Variants in PACRGL observed in about 807,000 individuals in gnomAD.
The protein encoded by PACRGL is PACRG-like protein.
A neutral mutation model predicts 34.5 loss-of-function variants in PACRGL; 38 were observed. That is an observed-to-expected ratio of 1.10 (90% CI 0.85 to 1.44). The LOEUF is 1.44. Among genes scored for constraint, PACRGL ranks in the 40% most tolerant of loss-of-function variants. PACRGL has a pLI of 0.00. For missense variants in PACRGL, 305 were observed against 281.4 expected (o/e 1.08, Z -0.60); for synonymous variants, 128 against 100.1 (o/e 1.28, Z -1.66).
At chr4:20,725,965 T>A (rs1745452551) in intron 8 of PACRGL, among the ~76,000 whole-genome samples, 1 of 152,160 alleles carries the variant, frequency 6.6e-6, no homozygotes, top group Non-Finnish European at 1.5e-5. Flanking sequence ...TCTTGCTTGC[T>A]CTTCTGAGAA....
chr4:20,723,947 C>T (rs1019914198), intron 7 of PACRGL, among the ~76,000 whole-genome samples: 3 of 152,156 alleles, frequency 2.0e-5, no homozygotes, highest in African/African-American at 7.2e-5. Context: ...GTCCCTCACC[C>T]CCATCTTCCA....
intron 7 of PACRGL, among the ~76,000 whole-genome samples, chr4:20,717,466 G>T (rs1362372207): frequency 2.6e-5 from 4 of 152,022 alleles, no homozygotes; most frequent in African/African-American, 9.7e-5. Context: ...TATGGTTTTA[G>T]GTCTAACATT....
At position 20,713,499 on chromosome 4, in the gene PACRGL, G is replaced by T. The variant is rs1012836698; in HGVS notation, c.569G>T (p.Gly190Val). 1.9e-6 allele frequency: 3 copies of T among 1,613,594 alleles called. No homozygotes were observed. Among genetic ancestry groups the T allele is most frequent in the Non-Finnish European group, 2.5e-6 (3 of 1,179,744 alleles). The change falls in exon 7 of 9, where the codon GGT becomes GTT. Residue 190 changes from glycine (G) to valine (V), a missense_variant. Physicochemically the swap from Gly to Val is moderately radical, Grantham distance 109. Transcript: ENST00000503585. ...NALVQLSVVV[G>V]PSLNDHLKHL... is the part of the protein sequence containing the mutation. ...CTAGTTCAGCTAAGTGTCGTTGTTGGTCCTTCTCTAAACGACCATCTGAAG... is the reference window on the plus strand; with the variant it reads ...CTAGTTCAGCTAAGTGTCGTTGTTGTTCCTTCTCTAAACGACCATCTGAAG...
downstream of PACRGL, among the ~76,000 whole-genome samples, chr4:20,756,676 A>C (rs1276390720): frequency 2.0e-5 from 3 of 151,924 alleles, no homozygotes; most frequent in African/African-American, 7.2e-5. Context: ...CATCCAGGGC[A>C]CTTGGGCTGT....
intron 8 of PACRGL, among the ~76,000 whole-genome samples, chr4:20,746,597 C>T (rs1752478520): frequency 6.6e-6 from 1 of 152,106 alleles, no homozygotes; most frequent in East Asian, 1.9e-4. Flanking sequence ...TGGTGCCAGA[C>T]ACAGAGCCAA....
chr4:20,731,777 T>C lies in PACRGL; in HGVS notation c.*4436T>C. On this transcript the variant is annotated 3_prime_UTR_variant, in exon 9 of 9. Transcript: ENST00000503585. ...GAATCAACACAGTACATGTACAACTTTTGTATCCCCAGGGTTTCCTCCATA... is the reference window on the plus strand; with the variant it reads ...GAATCAACACAGTACATGTACAACTCTTGTATCCCCAGGGTTTCCTCCATA... The C allele has an allele frequency of 2.0e-6, 2 of 985,364 alleles. No homozygotes were observed. Among genetic ancestry groups the C allele is most frequent in the Non-Finnish European group, 2.4e-6 (2 of 829,902 alleles). The allele number at this position is 985,364 out of a possible 1,614,324, so 61.0% of individuals were successfully genotyped here. A position where few individuals can be genotyped will look rare whatever the true frequency, so the allele number is the denominator to read the frequency against.
At chr4:20,747,025 T>TTAAA (rs1752547165) in intron 8 of PACRGL, among the ~76,000 whole-genome samples, 1 of 152,240 alleles carries the variant, frequency 6.6e-6, no homozygotes. Context: ...TCAAACTTTA[T>TTAAA]TAATTTAGCC....
At chr4:20,734,799 A>AAC, downstream of PACRGL, 3 of 991,158 alleles carry the variant, frequency 3.0e-6, no homozygotes, top group South Asian at 1.6e-5. Flanking sequence ...AAAAAAAACA[A>AAC]ATGATGTAAG....
chr4:20,726,316 G>C (rs1745608713), intron 8 of PACRGL, among the ~76,000 whole-genome samples: 1 of 152,118 alleles, frequency 6.6e-6, no homozygotes. Flanking sequence ...TACTAGCTTT[G>C]AATGTTGCTA....
rs1485927833 is a variant in PACRGL at position 20,728,599 on chromosome 4, T to G, written c.*1258T>G. 1 of 152,608 alleles carries G rather than the reference T, an allele frequency of 6.6e-6. No homozygotes were observed. The highest frequency in any genetic ancestry group is 1.9e-4 in the East Asian group (1 of 5,200). 9.5% of individuals were successfully genotyped at this position (152,608 alleles called of 1,614,324 possible). A position where few individuals can be genotyped will look rare whatever the true frequency, so the allele number is the denominator to read the frequency against. ...AATTTCTTGGAAAAGACCTGTAACA[T>G]AGACAGTAGAGTTATAAACATTTTA... On this transcript the variant is annotated 3_prime_UTR_variant, in exon 9 of 9. Coordinates refer to ENST00000503585, the MANE Select transcript of PACRGL (RefSeq NM_001258345.3).
chr4:20,697,710 G>C (rs1259106731), upstream of PACRGL, among the ~76,000 whole-genome samples: 1 of 152,118 alleles, frequency 6.6e-6, no homozygotes, highest in Non-Finnish European at 1.5e-5. Flanking sequence ...TCATGGTTCT[G>C]GAGGCTGGAA....
At chr4:20,752,488 A>G (rs897557663) in intron 8 of PACRGL, 2 of 152,218 alleles carry the variant, frequency 1.3e-5, no homozygotes, top group Non-Finnish European at 2.9e-5. Flanking sequence ...TTTTATTTCA[A>G]CTACCTTAAA....
At chr4:20,718,762 A>G (rs1315044879) in intron 7 of PACRGL, 2 of 152,150 alleles carry the variant, frequency 1.3e-5, no homozygotes, top group Non-Finnish European at 2.9e-5. Context: ...TTTTGCATTG[A>G]TGTTCATCAG....
chr4:20,767,143 A>C, the PACRGL span: 3 of 152,232 alleles, frequency 2.0e-5, no homozygotes, highest in African/African-American at 7.2e-5. Flanking sequence ...CCGATAGACC[A>C]AGGATAAATC....
At chr4:20,755,718 T>G (rs544347890), downstream of PACRGL, among the ~76,000 whole-genome samples, 1 of 152,218 alleles carries the variant, frequency 6.6e-6, no homozygotes, top group East Asian at 1.9e-4. Context: ...TCAGGGCAAG[T>G]CTCACTGAGA....
chr4:20,712,917 G>A lies in PACRGL; in HGVS notation c.496G>A (p.Ala166Thr), dbSNP rs372549595. 3 of 1,560,818 alleles carry A rather than the reference G, an allele frequency of 1.9e-6. No individual in the cohort carries two copies. The South Asian group carries it at 3.7e-5, about 19-fold the overall frequency. ...LPRLIPVLKA[A>T]LVHSDDEVFE... Reference sequence around the variant, plus strand: ...TAGACTGATTCCTGTGCTAAAGGCAGCTCTGGTATGTCATTTATTTCATTG... The same window carrying A: ...TAGACTGATTCCTGTGCTAAAGGCAACTCTGGTATGTCATTTATTTCATTG... The change falls in exon 6 of 9, where the codon GCT becomes ACT. Residue 166 changes from alanine to threonine, a missense_variant. Ala to Thr is a moderately conservative substitution (Grantham distance 58). Transcript: ENST00000503585.
Position 20,730,054 on chromosome 4 carries a change from C to CTGTTGGA in PACRGL, c.*2715_*2721dup, listed in dbSNP as rs1308194833. 1 of 1,598,788 alleles carries CTGTTGGA rather than the reference C, an allele frequency of 6.3e-7. No individual in the cohort carries two copies. The highest frequency in any genetic ancestry group is 8.5e-7 in the Non-Finnish European group (1 of 1,174,512). On this transcript the variant is annotated 3_prime_UTR_variant, in exon 9 of 9. Coordinates refer to ENST00000503585, the MANE Select transcript of PACRGL (RefSeq NM_001258345.3). ...GGGTGGTAGAATAGTTCACATTTGT[C>CTGTTGGA]TGTTGGATTCAGGATCTATTTGACA... is the stretch of plus-strand genomic sequence containing the variant.
At chr4:20,698,123 A>G (rs1040236288), upstream of PACRGL, among the ~76,000 whole-genome samples, 3 of 152,156 alleles carry the variant, frequency 2.0e-5, no homozygotes, top group Non-Finnish European at 2.9e-5. Flanking sequence ...TCAGTAGCCA[A>G]ACCCAATCAG....
chr4:20,756,765 C>T (rs1454965847), downstream of PACRGL, among the ~76,000 whole-genome samples: 1 of 152,050 alleles, frequency 6.6e-6, no homozygotes, highest in African/African-American at 2.4e-5. Context: ...TGGACTTCAT[C>T]ATTTCATTTC....
Sources: gnomAD v4.1 joint callset for allele counts (sites outside exome capture counted in the v4.1 genomes callset) on GRCh38, gnomAD v4.1.1 for gene constraint, MANE v1.5 for transcripts, NCBI Gene and HGNC (gene_info 2026-07-23, HGNC 2026-07-21) for gene names.